LRP1B: variants seen among roughly 807,000 people sequenced by gnomAD.
The protein encoded by LRP1B is LDL receptor related protein 1B.
LRP1B carries 217 observed loss-of-function variants against 556.6 expected under a neutral mutation model. The observed-to-expected ratio is 0.39, with a 90% CI of 0.35 to 0.44. The LOEUF (loss-of-function observed/expected upper bound fraction) is 0.44, where lower values mean the gene tolerates loss of function less well. LRP1B is among the 20% of genes least tolerant of loss of function. The probability of loss-of-function intolerance (pLI) is 1.00; values close to 1 mark genes in which losing one functional copy is unlikely to be tolerated. For missense variants in LRP1B, 5,053 were observed against 5,620.8 expected, an observed-to-expected ratio of 0.90 and a Z score of 3.23; for synonymous variants, 2,047 against 1,865.8, an observed-to-expected ratio of 1.10 and a Z score of -2.50.
intron 2 of LRP1B, among the ~76,000 whole-genome samples, chr2:141,526,193 C>G (rs2105183014): frequency 6.6e-6 from 1 of 152,096 alleles, no homozygotes; most frequent in Middle Eastern, 3.4e-3. Context: ...GACATTTTCA[C>G]AAGTGTAAAT....
chr2:141,610,136 T>A (rs1688056128), intron 2 of LRP1B, among the ~76,000 whole-genome samples: 1 of 152,080 alleles, frequency 6.6e-6, no homozygotes, highest in African/African-American at 2.4e-5. Flanking sequence ...AAAAAAGTAA[T>A]GAACCTCTTC....
intron 21 of LRP1B, among the ~76,000 whole-genome samples, chr2:140,917,658 A>T (rs1242331800): frequency 6.6e-6 from 1 of 152,278 alleles, no homozygotes; most frequent in South Asian, 2.1e-4. Flanking sequence ...GAGACAGTAA[A>T]AAGATCAGTA....
chr2:141,143,385 C>A (rs753949497), intron 7 of LRP1B, among the ~76,000 whole-genome samples: 4 of 152,118 alleles, frequency 2.6e-5, no homozygotes, highest in Non-Finnish European at 4.4e-5. Flanking sequence ...TAGGTGTAAT[C>A]TTATTATCCC....
At chr2:140,926,760 A>T (rs1204481921) in intron 20 of LRP1B, among the ~76,000 whole-genome samples, 1 of 152,166 alleles carries the variant, frequency 6.6e-6, no homozygotes, top group Admixed American at 6.6e-5. Flanking sequence ...GAAATTATAC[A>T]TGATGCTTTT....
chr2:140,817,182 A>C (rs1691152971), intron 31 of LRP1B, among the ~76,000 whole-genome samples: 1 of 152,232 alleles, frequency 6.6e-6, no homozygotes, highest in East Asian at 1.9e-4. Flanking sequence ...AAAATCTTCA[A>C]AGGCTATAGA....
intron 18 of LRP1B, among the ~76,000 whole-genome samples, chr2:140,964,946 T>A (rs1446490810): frequency 2.0e-5 from 3 of 151,854 alleles, no homozygotes; most frequent in East Asian, 3.9e-4. Flanking sequence ...AGAGCAAGAC[T>A]CCAACTCGGG....
At chr2:141,295,030 A>G (rs1170570386) in intron 3 of LRP1B, among the ~76,000 whole-genome samples, 2 of 152,038 alleles carry the variant, frequency 1.3e-5, no homozygotes, top group Non-Finnish European at 2.9e-5. Context: ...TAGCAAAAAT[A>G]TTTTTTATTA....
chr2:141,830,573 T>G lies in LRP1B; in HGVS notation c.83-20172A>C, dbSNP rs1697079775. On this transcript the variant is annotated intron_variant, in intron 1 of 90. Coordinates refer to ENST00000389484, the MANE Select transcript of LRP1B (RefSeq NM_018557.3). ...AGCAACTTGCAGTGACAAATAAAACTAAGTGTTTCTTTTACCTTACTCCTA... is the reference window on the plus strand; with the variant it reads ...AGCAACTTGCAGTGACAAATAAAACGAAGTGTTTCTTTTACCTTACTCCTA... Among the ~76,000 whole-genome samples, 4 of 151,866 alleles carry G rather than the reference T, an allele frequency of 2.6e-5. No homozygotes were observed. In the South Asian group the frequency reaches 8.3e-4, roughly 31 times the overall value.
At chr2:141,100,260 T>C (rs1700426427) in intron 7 of LRP1B, among the ~76,000 whole-genome samples, 1 of 152,204 alleles carries the variant, frequency 6.6e-6, no homozygotes, top group African/African-American at 2.4e-5. Flanking sequence ...GCACATTGTA[T>C]AATAAATACT....
chr2:141,615,680 C>T (rs1688271095), intron 2 of LRP1B, among the ~76,000 whole-genome samples: 1 of 151,954 alleles, frequency 6.6e-6, no homozygotes, highest in South Asian at 2.1e-4. Context: ...TAAAATTGAA[C>T]TAGTTATGGT....
chr2:140,754,477 TTC>T (rs562900110), intron 35 of LRP1B, among the ~76,000 whole-genome samples: 60 of 152,220 alleles, frequency 3.9e-4, no homozygotes, highest in African/African-American at 1.3e-3. Context: ...ACAAAGTGTG[TTC>T]TCTGACAACA....
intron 2 of LRP1B, among the ~76,000 whole-genome samples, chr2:141,767,025 G>T (rs891176043): frequency 5.9e-5 from 9 of 152,024 alleles, no homozygotes; most frequent in African/African-American, 2.2e-4. Context: ...ATTATTCTTA[G>T]TTGGACTTTA....
chr2:141,462,717 A>G (rs1169421090), intron 3 of LRP1B, among the ~76,000 whole-genome samples: 1 of 151,766 alleles, frequency 6.6e-6, no homozygotes, highest in African/African-American at 2.4e-5. Context: ...TTTCTACAAT[A>G]AAATAAAGCT....
chr2:141,182,711 A>G (rs1013873582), intron 7 of LRP1B, among the ~76,000 whole-genome samples: 8 of 152,020 alleles, frequency 5.3e-5, no homozygotes, highest in Admixed American at 4.6e-4. Context: ...CTAAGTTTAT[A>G]GAAAGATATC....
At chr2:141,473,483 G>A (rs1444015562) in intron 3 of LRP1B, among the ~76,000 whole-genome samples, 1 of 152,066 alleles carries the variant, frequency 6.6e-6, no homozygotes, top group Non-Finnish European at 1.5e-5. Flanking sequence ...AGTGTTAAGG[G>A]TCATAGCCTT....
intron 11 of LRP1B, among the ~76,000 whole-genome samples, chr2:141,023,279 A>G (rs1698118974): frequency 6.6e-6 from 1 of 151,936 alleles, no homozygotes; most frequent in Non-Finnish European, 1.5e-5. Flanking sequence ...ACACTCACAT[A>G]TCTCATTCAA....
At chr2:141,136,205 G>A (rs1342825041) in intron 7 of LRP1B, among the ~76,000 whole-genome samples, 1 of 151,926 alleles carries the variant, frequency 6.6e-6, no homozygotes, top group Non-Finnish European at 1.5e-5. Context: ...TAGAGTGTCT[G>A]TGTGCAGAGT....
intron 3 of LRP1B, among the ~76,000 whole-genome samples, chr2:141,299,997 T>C (rs563300007): frequency 6.6e-6 from 1 of 152,274 alleles, no homozygotes; most frequent in African/African-American, 2.4e-5. Context: ...GTCTTGAGGG[T>C]GAAGCTCCCA....
intron 2 of LRP1B, among the ~76,000 whole-genome samples, chr2:141,572,526 G>A (rs1321966656): frequency 6.6e-6 from 1 of 152,062 alleles, no homozygotes; most frequent in Non-Finnish European, 1.5e-5. Context: ...GCATCAACTA[G>A]TATGCAAAAC....
Sources: allele counts gnomAD v4.1 joint callset (sites outside exome capture counted in the v4.1 genomes callset), GRCh38; gene constraint gnomAD v4.1.1; transcripts MANE v1.5; gene names NCBI Gene and HGNC (gene_info 2026-07-23, HGNC 2026-07-21).